The following ZNF469 variants were observed in gnomAD, a reference collection of about 807,000 sequenced individuals.
The protein encoded by ZNF469 is zinc finger protein 469.
A neutral mutation model predicts 1.0 loss-of-function variants in ZNF469; 1 was observed. The ratio of observed to expected loss-of-function variants is 1.00; its 90% CI spans 0.35 to 4.73. ZNF469 has a LOEUF of 4.73. Ranked by LOEUF, ZNF469 falls within the 30% of genes most tolerant of loss-of-function variation. The probability of loss-of-function intolerance (pLI) is 0.16; values close to 1 mark genes in which losing one functional copy is unlikely to be tolerated. For synonymous variants in ZNF469, 2,703 were observed against 2,363.4 expected (o/e 1.14, Z -4.17); for missense variants, 6,100 against 5,356.3 (o/e 1.14, Z -4.33).
chr16:88,264,841 G>A, the ZNF469 span, among the ~76,000 whole-genome samples: 4 of 152,122 alleles, frequency 2.6e-5, no homozygotes, highest in South Asian at 2.1e-4. Context: ...AGGCACAGGC[G>A]GTACTGCTCA....
the ZNF469 span, among the ~76,000 whole-genome samples, chr16:88,185,044 T>C: frequency 6.7e-6 from 1 of 148,356 alleles, no homozygotes; most frequent in Non-Finnish European, 1.5e-5. Flanking sequence ...CACATACGTA[T>C]CCAGACACCC....
the ZNF469 span, among the ~76,000 whole-genome samples, chr16:88,147,322 C>A: frequency 1.3e-5 from 2 of 152,102 alleles, no homozygotes; most frequent in African/African-American, 4.8e-5. Flanking sequence ...CCCAGGGAGA[C>A]TGGAGTCCCA....
chr16:88,166,339 T>A, the ZNF469 span, among the ~76,000 whole-genome samples: 4 of 152,046 alleles, frequency 2.6e-5, no homozygotes, highest in African/African-American at 9.7e-5. The surrounding 1 kb of genome is among the most constrained non-coding windows in gnomAD (Gnocchi z 4.5). Flanking sequence ...AGAAAACAAC[T>A]GTGGACGCAA....
chr16:88,413,838 G>A (rs989840747), intron 1 of ZNF469, among the ~76,000 whole-genome samples: 19 of 152,184 alleles, frequency 1.2e-4, no homozygotes, highest in Admixed American at 1.1e-3. Context: ...TGGGGAGAGC[G>A]ACCGGGCCAG....
chr16:88,257,527 T>G, the ZNF469 span, among the ~76,000 whole-genome samples: 1 of 152,244 alleles, frequency 6.6e-6, no homozygotes, highest in Non-Finnish European at 1.5e-5. Flanking sequence ...AAGTCCAGCT[T>G]ATCAATTATT....
chr16:88,431,928 C>T lies in ZNF469; in HGVS notation c.4458C>T (p.Asp1486=). The T allele has an allele frequency of 6.5e-7, 1 of 1,549,642 alleles. No individual in the cohort carries two copies. The highest frequency in any genetic ancestry group is 8.7e-7 in the Non-Finnish European group (1 of 1,146,986). The change falls in exon 3 of 3, where the codon GAC becomes GAT. Residue 1486 remains aspartate (D), a synonymous_variant. Transcript: ENST00000565624. ...RDSGLPFACA[D]PPQKTVPSDP... ...CCGGTCTGCCGTTCGCATGTGCCGA[C>T]CCTCCCCAGAAGACGGTGCCGTCAG...
At chr16:88,126,102 T>G in the ZNF469 span, among the ~76,000 whole-genome samples, 2 of 150,220 alleles carry the variant, frequency 1.3e-5, no homozygotes, top group African/African-American at 4.9e-5. Context: ...GACAGGAGAA[T>G]TGCTTGAACC....
chr16:88,179,679 G>C, the ZNF469 span, among the ~76,000 whole-genome samples: 1 of 152,214 alleles, frequency 6.6e-6, no homozygotes, highest in East Asian at 1.9e-4. Flanking sequence ...TTCCCATACA[G>C]AGTTTGAGAA....
At chr16:88,272,592 T>G in the ZNF469 span, among the ~76,000 whole-genome samples, 64,370 of 126,032 alleles carry the variant, frequency 0.51, 13,605 homozygotes, top group African/African-American at 0.64. Flanking sequence ...ATGAACAGGT[T>G]GGTGTATGGA....
the ZNF469 span, among the ~76,000 whole-genome samples, chr16:88,258,279 C>G: frequency 1.3e-5 from 2 of 152,222 alleles, no homozygotes; most frequent in East Asian, 1.9e-4. Context: ...ATTAAGATCT[C>G]TGAATTACTG....
At chr16:88,301,109 C>A in the ZNF469 span, among the ~76,000 whole-genome samples, 1 of 151,980 alleles carries the variant, frequency 6.6e-6, no homozygotes, top group African/African-American at 2.4e-5. Context: ...TGGGAGCGTG[C>A]TTTGTACGTG....
intron 2 of ZNF469, among the ~76,000 whole-genome samples, 162 bp downstream of exon 2, chr16:88,425,033 G>A (rs887598612): frequency 1.3e-5 from 2 of 151,962 alleles, no homozygotes; most frequent in Non-Finnish European, 2.9e-5. Context: ...GGGGCCCGCC[G>A]GGCAGGGCTT....
chr16:88,317,487 G>A, the ZNF469 span, among the ~76,000 whole-genome samples: 1 of 152,218 alleles, frequency 6.6e-6, no homozygotes, highest in Non-Finnish European at 1.5e-5. Context: ...AACAGAGGTA[G>A]GGCCACGGGC....
the ZNF469 span, among the ~76,000 whole-genome samples, chr16:88,341,622 G>C: frequency 6.6e-6 from 1 of 152,350 alleles, no homozygotes; most frequent in Admixed American, 6.5e-5. Context: ...ACGGAGCCAG[G>C]GTGGCAGCAG....
the ZNF469 span, among the ~76,000 whole-genome samples, chr16:88,351,557 C>T: frequency 2.6e-5 from 4 of 152,168 alleles, no homozygotes; most frequent in Non-Finnish European, 4.4e-5. Flanking sequence ...CCCCAGGCGG[C>T]CTGTGATGTC....
the ZNF469 span, among the ~76,000 whole-genome samples, chr16:88,327,969 G>A: frequency 6.6e-6 from 1 of 152,236 alleles, no homozygotes; most frequent in Non-Finnish European, 1.5e-5. Flanking sequence ...ACACCCACCT[G>A]CTGTCCCAGC....
At chr16:88,394,931 G>C (rs1193700184) in intron 1 of ZNF469, among the ~76,000 whole-genome samples, 1 of 152,140 alleles carries the variant, frequency 6.6e-6, no homozygotes, top group Non-Finnish European at 1.5e-5. Context: ...CCTCCCTGCT[G>C]TCCAGGACAA....
chr16:88,429,617 A>C lies in ZNF469; in HGVS notation c.2147A>C (p.His716Pro). The C allele has an allele frequency of 6.5e-7, 1 of 1,546,296 alleles. No individual in the cohort carries two copies. ...PRAPPPYPTH[H>P]FSLSSASLDQ... ...GCGCCGCCTCCGTACCCCACACACC[A>C]CTTCTCCCTCAGCAGCGCCAGCCTG... The change falls in exon 3 of 3, where the codon CAC becomes CCC. Residue 716 changes from histidine (H) to proline (P), a missense_variant. Transcript: ENST00000565624.
At chr16:88,201,134 C>CCGTG in the ZNF469 span, among the ~76,000 whole-genome samples, 1 of 152,262 alleles carries the variant, frequency 6.6e-6, no homozygotes, top group African/African-American at 2.4e-5. This position sits in a 1 kb window ranked among gnomAD's most constrained non-coding sequence, Gnocchi z 5.0. Context: ...TCTCCCCACC[C>CCGTG]CGTGCTTCAG....
Sources: gnomAD v4.1 joint callset for allele counts (sites outside exome capture counted in the v4.1 genomes callset) on GRCh38, gnomAD v4.1.1 for gene constraint, Gnocchi (gnomAD v3.1) non-coding constraint, MANE v1.5 for transcripts, NCBI Gene and HGNC (gene_info 2026-07-23, HGNC 2026-07-21) for gene names.